The following SPON1 variants were observed in gnomAD, a reference collection of about 807,000 sequenced individuals.
The protein encoded by SPON1 is spondin-1.
A neutral mutation model predicts 111.7 loss-of-function variants in SPON1; 52 were observed. The observed-to-expected ratio is 0.47, with a 90% CI of 0.37 to 0.59. The LOEUF (loss-of-function observed/expected upper bound fraction) is 0.59. Among genes scored for constraint, SPON1 ranks in the 20% least tolerant of loss-of-function variants. The pLI, the probability that SPON1 is intolerant of heterozygous loss-of-function variation, is 0.00. For synonymous variants in SPON1, 410 were observed against 395.8 expected (o/e 1.04, Z -0.43); for missense variants, 957 against 1,068.5 (o/e 0.90, Z 1.46).
intron 3 of SPON1, among the ~76,000 whole-genome samples, chr11:14,053,816 G>A (rs1460019718): frequency 1.3e-5 from 2 of 152,152 alleles, no homozygotes; most frequent in African/African-American, 4.8e-5. Context: ...CCAAAAATGG[G>A]TTGATTAGAT....
chr11:14,262,903 C>T lies in SPON1; in HGVS notation c.2188C>T (p.Arg730Cys), dbSNP rs899498271. 4 of 1,613,830 alleles carry T rather than the reference C, an allele frequency of 2.5e-6. No homozygotes were observed. The highest frequency in any genetic ancestry group is 3.4e-6 in the Non-Finnish European group (4 of 1,179,884). The change falls in exon 15 of 16, where the codon CGC becomes TGC. Residue 730 changes from arginine (R) to cysteine (C), a missense_variant. Coordinates refer to ENST00000576479, the MANE Select transcript of SPON1 (RefSeq NM_006108.4). The part of the protein sequence containing the change: ...CLRNPSIQKL[R>C]WREARESRRS... ...TCGAAATCCATCCATCCAAAAGCTA[C>T]GCTGGAGGGAGGCCCGAGAGAGCCG...
intron 5 of SPON1, among the ~76,000 whole-genome samples, chr11:14,097,209 G>T (rs1332483430): frequency 6.6e-6 from 1 of 152,142 alleles, no homozygotes; most frequent in Admixed American, 6.5e-5. Context: ...AAGGAACAAC[G>T]TTATAAAGTA....
rs551703741 is a variant in SPON1 at position 14,098,453 on chromosome 11, G to C, written c.676+18432G>C. On this transcript the variant is annotated intron_variant, in intron 5 of 15. Transcript: ENST00000576479. ...TGTGGTTTGTTTTTTCCTTCCTTTA[G>C]TACACATGTGTAATTATAAACTATT... Among the ~76,000 whole-genome samples, 3 of 152,122 alleles carry C rather than the reference G, an allele frequency of 2.0e-5. No individual in the cohort carries two copies. In the South Asian group the frequency reaches 6.2e-4, roughly 32 times the overall value.
intron 2 of SPON1, among the ~76,000 whole-genome samples, chr11:14,019,709 T>A (rs1554914615): frequency 6.6e-6 from 1 of 152,160 alleles, no homozygotes; most frequent in Non-Finnish European, 1.5e-5. Flanking sequence ...CTCAGTGACA[T>A]CAGGTCCCTG....
intron 6 of SPON1, among the ~76,000 whole-genome samples, chr11:14,238,169 A>T (rs781841839): frequency 1.4e-4 from 21 of 152,182 alleles, no homozygotes; most frequent in Non-Finnish European, 2.4e-4. Context: ...TTGTTTTATT[A>T]TTGTTGCTGT....
rs1554941599 is a variant in SPON1 at position 14,259,304 on chromosome 11, A to G, written c.1517A>G (p.Glu506Gly). ...DEDGSTCTMSEWITWSPCSIS... is the reference protein window; with the variant it reads ...DEDGSTCTMSGWITWSPCSIS... ...GACGGCTCCACCTGCACCATGTCCG[A>G]GTGGATCACCTGGTCGCCCTGCAGC... The change falls in exon 12 of 16, where the codon GAG becomes GGG. Residue 506 changes from glutamate (E) to glycine (G), a missense_variant. Glu to Gly is a moderately conservative substitution (Grantham distance 98, BLOSUM62 -2). Coordinates refer to ENST00000576479, the MANE Select transcript of SPON1 (RefSeq NM_006108.4). The surrounding 1 kb of genome is among the most constrained non-coding windows in gnomAD (Gnocchi z 5.0). 2 of 1,612,784 alleles carry G rather than the reference A, an allele frequency of 1.2e-6. No homozygotes were observed. The highest frequency in any genetic ancestry group is 1.7e-6 in the Non-Finnish European group (2 of 1,179,566).
chr11:14,036,456 C>T lies in SPON1; in HGVS notation c.346-5065C>T, dbSNP rs150106129. On this transcript the variant is annotated intron_variant, in intron 2 of 15. Transcript: ENST00000576479. ...AGCCAAGGGTGACCTCCAGGGTTTC[C>T]GACTTGCACAATTGGAGTAGGACCA... 3.4e-3 allele frequency among the ~76,000 whole-genome samples: 524 copies of T among 152,146 alleles called. 2 individuals carry two copies. Among genetic ancestry groups the T allele is most frequent in the African/African-American group, 0.012 (494 of 41,512 alleles).
chr11:14,013,983 G>A (rs782022844), intron 2 of SPON1, among the ~76,000 whole-genome samples: 4 of 152,176 alleles, frequency 2.6e-5, no homozygotes, highest in African/African-American at 7.2e-5. Context: ...GGAAAGGGGA[G>A]TATTAAACAT....
intron 5 of SPON1, among the ~76,000 whole-genome samples, chr11:14,127,609 T>A (rs1398377294): frequency 1.3e-5 from 2 of 152,264 alleles, no homozygotes; most frequent in Non-Finnish European, 2.9e-5. Context: ...ATAACTCGCC[T>A]GCCTCTGCAT....
intron 5 of SPON1, among the ~76,000 whole-genome samples, chr11:14,120,231 A>G (rs1240503403): frequency 6.6e-6 from 1 of 152,198 alleles, no homozygotes; most frequent in Non-Finnish European, 1.5e-5. Context: ...GTTAATGATT[A>G]TTATTTCCCA....
chr11:14,026,730 C>T (rs1554915360), intron 2 of SPON1, among the ~76,000 whole-genome samples: 2 of 152,138 alleles, frequency 1.3e-5, no homozygotes, highest in Non-Finnish European at 1.5e-5. Context: ...TTGTCTTAAG[C>T]GAGGGTGGAG....
chr11:14,039,716 A>G (rs1285667413), intron 2 of SPON1, among the ~76,000 whole-genome samples: 1 of 152,176 alleles, frequency 6.6e-6, no homozygotes, highest in Non-Finnish European at 1.5e-5. Context: ...GCCATAGGAG[A>G]TAAGTTGATG....
intron 2 of SPON1, among the ~76,000 whole-genome samples, chr11:14,040,568 G>A (rs1848624369): frequency 6.6e-6 from 1 of 152,010 alleles, no homozygotes; most frequent in African/African-American, 2.4e-5. Context: ...TGGAGTTTGA[G>A]GTACTTCATT....
rs531374444 is a variant in SPON1, at chr11:14,055,044, T to A, written c.479+13390T>A. ...CTAGCTAAACCCACTTCCTGGATCT[T>A]TCTTCACCCTCATTTTTATATGTGT... On this transcript the variant is annotated intron_variant, in intron 3 of 15. Coordinates refer to ENST00000576479, the MANE Select transcript of SPON1 (RefSeq NM_006108.4). 2.6e-5 allele frequency among the ~76,000 whole-genome samples: 4 copies of A among 152,280 alleles called. No homozygotes were observed. In the South Asian group the frequency reaches 8.3e-4, roughly 32 times the overall value.
chr11:14,053,284 A>G (rs1010820510), intron 3 of SPON1, among the ~76,000 whole-genome samples: 1 of 152,136 alleles, frequency 6.6e-6, no homozygotes, highest in African/African-American at 2.4e-5. Context: ...TTATTCATTG[A>G]GCAGTTTCTC....
chr11:14,124,272 G>C (rs1028080413), intron 5 of SPON1, among the ~76,000 whole-genome samples: 3 of 151,954 alleles, frequency 2.0e-5, no homozygotes, highest in Non-Finnish European at 4.4e-5. Flanking sequence ...CTCTGCTTTT[G>C]CATCTATTAT....
chr11:14,251,422 A>C (rs891912595), intron 7 of SPON1, among the ~76,000 whole-genome samples: 25 of 152,192 alleles, frequency 1.6e-4, no homozygotes, highest in African/African-American at 6.0e-4. Context: ...ACTGAGAATG[A>C]TTTCCACAAG....
chr11:14,245,021 G>T (rs1848973248), intron 7 of SPON1, among the ~76,000 whole-genome samples: 1 of 152,184 alleles, frequency 6.6e-6, no homozygotes, highest in African/African-American at 2.4e-5. Context: ...TTACGAAGAA[G>T]CCTTGGCCAG....
At chr11:14,114,019 C>G (rs1004824052) in intron 5 of SPON1, among the ~76,000 whole-genome samples, 1 of 152,074 alleles carries the variant, frequency 6.6e-6, no homozygotes, top group African/African-American at 2.4e-5. Flanking sequence ...TAATGGTGTA[C>G]CCATCCCCTC....
Sources: allele counts gnomAD v4.1 joint callset (sites outside exome capture counted in the v4.1 genomes callset), GRCh38; gene constraint gnomAD v4.1.1; non-coding constraint Gnocchi (gnomAD v3.1); transcripts MANE v1.5; gene names NCBI Gene and HGNC (gene_info 2026-07-23, HGNC 2026-07-21).